PDE7B: variants seen among roughly 807,000 people sequenced by gnomAD.
PDE7B encodes the protein phosphodiesterase 7B.
Under a neutral mutation model 56.2 loss-of-function variants are expected in PDE7B, and 29 were observed. The ratio of observed to expected loss-of-function variants is 0.52; its 90% CI spans 0.38 to 0.70. The LOEUF (loss-of-function observed/expected upper bound fraction) is 0.70. Ranked by LOEUF, PDE7B falls within the 30% of genes least tolerant of loss-of-function variation. The pLI is 0.00. For synonymous variants in PDE7B, 197 were observed against 196.9 expected (o/e 1.00, Z 0.00); for missense variants, 490 against 565.0 (o/e 0.87, Z 1.35).
chr6:135,907,587 T>C, intron 1 of PDE7B, among the ~76,000 whole-genome samples: 1 of 152,174 alleles, frequency 6.6e-6, no homozygotes, highest in Non-Finnish European at 1.5e-5. Flanking sequence ...AATAAGAGAA[T>C]ATTAGAAATG....
At chr6:135,916,008 TAA>T (rs555660136) in intron 1 of PDE7B, among the ~76,000 whole-genome samples, 1 of 152,364 alleles carries the variant, frequency 6.6e-6, no homozygotes, top group South Asian at 2.1e-4. Flanking sequence ...AAAGCTACTA[TAA>T]ACATTTTTGT....
chr6:136,010,140 C>G lies in PDE7B; in HGVS notation c.82+62616C>G, dbSNP rs567084733. On this transcript the variant is annotated intron_variant, in intron 2 of 12. Coordinates refer to ENST00000308191, the MANE Select transcript of PDE7B (RefSeq NM_018945.4). ...GTCATATCTTTGTTCTCATTTGTTTCAAAGAACTTCTTGATTCTCTCTTAC... is the reference window on the plus strand; with the variant it reads ...GTCATATCTTTGTTCTCATTTGTTTGAAAGAACTTCTTGATTCTCTCTTAC... Among the ~76,000 whole-genome samples the G allele has an allele frequency of 2.0e-5, 3 of 152,274 alleles. No individual in the cohort carries two copies. In the South Asian group the frequency reaches 6.2e-4, roughly 32 times the overall value.
chr6:136,159,754 T>C (rs1220138137), intron 8 of PDE7B, among the ~76,000 whole-genome samples: 3 of 152,348 alleles, frequency 2.0e-5, no homozygotes, highest in East Asian at 1.9e-4. Context: ...TTTAAAATGT[T>C]CAATTAACTC....
intron 9 of PDE7B, among the ~76,000 whole-genome samples, chr6:136,177,972 C>T (rs1190260475): frequency 2.0e-5 from 3 of 152,172 alleles, no homozygotes; most frequent in African/African-American, 4.8e-5. Flanking sequence ...ATAGCCTACA[C>T]ATCATGAAGG....
chr6:136,026,065 A>G (rs1476783030), intron 2 of PDE7B, among the ~76,000 whole-genome samples: 2 of 152,228 alleles, frequency 1.3e-5, no homozygotes, highest in Non-Finnish European at 2.9e-5. Flanking sequence ...TTCAGACCCA[A>G]GAATCGAGGT....
intron 2 of PDE7B, among the ~76,000 whole-genome samples, chr6:136,006,126 G>A (rs369594752): frequency 6.8e-6 from 1 of 146,596 alleles, no homozygotes; most frequent in Non-Finnish European, 1.5e-5. Context: ...AACACTGCAT[G>A]TTCTCACTCA....
intron 3 of PDE7B, among the ~76,000 whole-genome samples, chr6:136,113,945 C>T (rs551718457): frequency 7.2e-5 from 11 of 152,252 alleles, no homozygotes; most frequent in African/African-American, 1.7e-4. Context: ...ATTTCCACAC[C>T]GGCTCAGCAG....
intron 2 of PDE7B, chr6:136,070,216 A>G (rs1209659249): frequency 6.6e-6 from 1 of 152,148 alleles, no homozygotes; most frequent in Non-Finnish European, 1.5e-5. Flanking sequence ...ACCAGTTGAT[A>G]AACATACCTT....
intron 2 of PDE7B, chr6:136,047,435 T>C (rs1776532305): frequency 6.6e-6 from 1 of 152,254 alleles, no homozygotes; most frequent in Admixed American, 6.5e-5. Flanking sequence ...TTAAATGTGC[T>C]AATTGGAAAT....
At chr6:136,131,362 G>T (rs1455902017) in intron 3 of PDE7B, among the ~76,000 whole-genome samples, 1 of 152,024 alleles carries the variant, frequency 6.6e-6, no homozygotes, top group Non-Finnish European at 1.5e-5. Context: ...AGCAAGGAAA[G>T]GTTTTGGATT....
intron 1 of PDE7B, among the ~76,000 whole-genome samples, chr6:135,911,787 C>A (rs1174475839): frequency 6.6e-6 from 1 of 152,072 alleles, no homozygotes; most frequent in South Asian, 2.1e-4. Flanking sequence ...TTGAGATGTA[C>A]TACAAGACTT....
intron 2 of PDE7B, among the ~76,000 whole-genome samples, chr6:136,002,306 A>C (rs1775685089): frequency 1.3e-5 from 2 of 152,318 alleles, no homozygotes; most frequent in South Asian, 4.1e-4. Context: ...TGAGCAAAAT[A>C]ACCAGCTAAC....
chr6:136,007,101 G>A (rs1255682684), intron 2 of PDE7B, among the ~76,000 whole-genome samples: 4 of 152,108 alleles, frequency 2.6e-5, no homozygotes, highest in Admixed American at 1.3e-4. Flanking sequence ...ATAGTTTATT[G>A]GGAGTTTTTA....
intron 2 of PDE7B, among the ~76,000 whole-genome samples, chr6:135,978,847 T>G (rs1267949405): frequency 2.0e-5 from 3 of 152,042 alleles, no homozygotes; most frequent in Admixed American, 1.3e-4. Context: ...ACTTCCTCTT[T>G]TCCTGATTGA....
rs146636145 is a variant in PDE7B, at chr6:135,973,282, C to G, written c.82+25758C>G. The stretch of plus-strand genomic sequence containing the variant: ...CACTTAGCATAATGTCCTCCAGGTT[C>G]TTCCATGTTGTCACAAATTGCAGAA... On this transcript the variant is annotated intron_variant, in intron 2 of 12. Coordinates refer to ENST00000308191, the MANE Select transcript of PDE7B (RefSeq NM_018945.4). Among the ~76,000 whole-genome samples, 1,399 of 152,204 alleles carry G rather than the reference C, an allele frequency of 9.2e-3. 23 individuals carry two copies. The highest frequency in any genetic ancestry group is 0.034 in the Middle Eastern group (10 of 294).
chr6:135,972,093 G>T (rs1417241148), intron 2 of PDE7B, among the ~76,000 whole-genome samples: 3 of 151,948 alleles, frequency 2.0e-5, no homozygotes, highest in African/African-American at 7.3e-5. Flanking sequence ...AATTAGCTGG[G>T]TGTGGTGGTG....
intron 2 of PDE7B, among the ~76,000 whole-genome samples, chr6:135,980,132 C>T (rs547108060): frequency 9.9e-4 from 151 of 152,104 alleles, no homozygotes; most frequent in Admixed American, 9.5e-3. Context: ...TCAGAAATAA[C>T]GCTGCATATC....
At chr6:136,021,513 G>C (rs1308454082) in intron 2 of PDE7B, among the ~76,000 whole-genome samples, 2 of 151,946 alleles carry the variant, frequency 1.3e-5, no homozygotes, top group Non-Finnish European at 2.9e-5. Flanking sequence ...GCGTGGTGGT[G>C]CATGCCTGTA....
chr6:135,960,311 C>A (rs919604748), intron 2 of PDE7B, among the ~76,000 whole-genome samples: 1 of 152,118 alleles, frequency 6.6e-6, no homozygotes, highest in African/African-American at 2.4e-5. Flanking sequence ...TGACTAATAA[C>A]AAAACATGTG....
Sources: allele counts gnomAD v4.1 joint callset (sites outside exome capture counted in the v4.1 genomes callset), GRCh38; gene constraint gnomAD v4.1.1; transcripts MANE v1.5; gene names NCBI Gene and HGNC (gene_info 2026-07-23, HGNC 2026-07-21).